The following WASHC5 variants were observed in gnomAD, a reference collection of about 807,000 sequenced individuals.
WASHC5 encodes WASH complex subunit 5.
In WASHC5, 101 loss-of-function variants were observed where a neutral mutation model predicts 150.4. That is an observed-to-expected ratio of 0.67 (90% confidence interval 0.57 to 0.79). The LOEUF (loss-of-function observed/expected upper bound fraction) is 0.79, where lower values mean the gene tolerates loss of function less well. Ranked by LOEUF, WASHC5 falls within the 30% of genes least tolerant of loss-of-function variation. WASHC5 has a pLI of 0.00. For synonymous variants in WASHC5, 467 were observed against 491.2 expected (o/e 0.95, Z 0.65); for missense variants, 1,195 against 1,396.3 (o/e 0.86, Z 2.30).
intron 11 of WASHC5, 84 bp from the exon 12 acceptor site, chr8:125,061,278 A>C (rs1816586914): frequency 2.5e-6 from 2 of 802,912 alleles, no homozygotes; most frequent in African/African-American, 3.4e-5. Context: ...ATCTTTTATA[A>C]ATTCAGTTCT....
chr8:125,080,341 C>A (rs1167291305), intron 5 of WASHC5, among the ~76,000 whole-genome samples: 1 of 152,144 alleles, frequency 6.6e-6, no homozygotes, highest in Non-Finnish European at 1.5e-5. Flanking sequence ...ATAGGAAAGG[C>A]CATTCAAATC....
chr8:125,033,287 A>T (rs1815593837), intron 26 of WASHC5, among the ~76,000 whole-genome samples: 1 of 152,230 alleles, frequency 6.6e-6, no homozygotes. Context: ...AATGGAACAG[A>T]ATAGAGTCTA....
intron 7 of WASHC5, among the ~76,000 whole-genome samples, chr8:125,076,041 TA>T (rs1468027447): frequency 1.3e-5 from 2 of 152,110 alleles, no homozygotes; most frequent in Non-Finnish European, 2.9e-5. Context: ...TGGAAAAGAA[TA>T]AATAAATTCT....
Position 125,049,053 on chromosome 8 carries a change from T to C in WASHC5, c.2332A>G (p.Ile778Val), listed in dbSNP as rs146623998. Residue 778 changes from isoleucine to valine, a missense_variant, in exon 19 of 29, where the codon ATA (isoleucine) becomes GTA (valine). Ile to Val is a conservative substitution (Grantham distance 29). Transcript: ENST00000318410. ...KIWQEEVSRI[I>V]NYNVEQECNN... ...CACTCTTGCTCCACGTTGTAATTTA[T>C]GATACGAGATACTTCTTCCTGCCAA... is the stretch of plus-strand genomic sequence containing the variant. The C allele has an allele frequency of 7.9e-5, 128 of 1,613,938 alleles. No homozygotes were observed. In the Middle Eastern group the frequency reaches 1.2e-3, roughly 15 times the overall value.
intron 26 of WASHC5, among the ~76,000 whole-genome samples, chr8:125,035,075 T>C (rs1252248196): frequency 6.6e-6 from 1 of 152,202 alleles, no homozygotes; most frequent in Non-Finnish European, 1.5e-5. Context: ...AGTCTAGAGA[T>C]AGTCTCACCC....
At chr8:125,039,725 AAG>A (rs1291385041) in intron 24 of WASHC5, 68 bp downstream of exon 24, 2 of 1,030,412 alleles carry the variant, frequency 1.9e-6, no homozygotes, top group African/African-American at 3.1e-5. Flanking sequence ...GTAAGAACTG[AAG>A]AAACTGGGGT....
At chr8:125,072,051 T>C (rs971445005) in intron 9 of WASHC5, among the ~76,000 whole-genome samples, 14 of 151,974 alleles carry the variant, frequency 9.2e-5, no homozygotes, top group Non-Finnish European at 1.8e-4. Context: ...AGGACCCCTA[T>C]ATTTACAGGC....
chr8:125,076,232 A>G, intron 7 of WASHC5, 116 bp downstream of exon 7: 1 of 917,450 alleles, frequency 1.1e-6, no homozygotes, highest in South Asian at 1.4e-5. Context: ...AGTTTACCTA[A>G]GTGATGTTAT....
intron 20 of WASHC5, 90 bp downstream of exon 20, chr8:125,047,117 T>C: frequency 1.3e-6 from 2 of 1,510,994 alleles, no homozygotes; most frequent in Admixed American, 1.7e-5. Flanking sequence ...AGGACCCCCG[T>C]GACTGGAATA....
In WASHC5 at chr8:125,056,679, C is replaced by A; in HGVS notation, c.2014G>T (p.Glu672Ter). ...CAGAAGTCAGAGGGACACAGCACCTCGTATCGTGGGCCTAGCTGAGCATAG... is the reference window on the plus strand; with the variant it reads ...CAGAAGTCAGAGGGACACAGCACCTAGTATCGTGGGCCTAGCTGAGCATAG... ...RDYAQLGPRYEVAKLTHAISI... is the reference protein window; with the variant it reads ...RDYAQLGPRY The change falls in exon 16 of 29, where the codon GAG becomes TAG. Residue 672 changes from glutamate to a stop codon, truncating the protein, a stop_gained and splice_region_variant. Coordinates refer to ENST00000318410, the MANE Select transcript of WASHC5 (RefSeq NM_014846.4). LOFTEE classifies it high-confidence loss of function. 6.2e-7 allele frequency: 1 copy of A among 1,614,018 alleles called. No homozygotes were observed. Among genetic ancestry groups the A allele is most frequent in the South Asian group, 1.1e-5 (1 of 91,070 alleles).
intron 10 of WASHC5, among the ~76,000 whole-genome samples, chr8:125,064,553 A>G (rs1229955699): frequency 6.6e-6 from 1 of 151,080 alleles, no homozygotes; most frequent in African/African-American, 2.4e-5. Context: ...CCTTCATAAC[A>G]TTTAAATTCT....
At chr8:125,043,515 G>A (rs1475261659) in intron 23 of WASHC5, among the ~76,000 whole-genome samples, 1 of 152,100 alleles carries the variant, frequency 6.6e-6, no homozygotes, top group Admixed American at 6.6e-5. Context: ...ATGTAAAAAG[G>A]GAGTATTACT....
intron 9 of WASHC5, among the ~76,000 whole-genome samples, chr8:125,068,785 C>A (rs1816821588): frequency 6.6e-6 from 1 of 152,182 alleles, no homozygotes; most frequent in Non-Finnish European, 1.5e-5. Context: ...AGGCACTAGG[C>A]CAAGGTCACA....
Position 125,083,168 on chromosome 8 carries a change from T to A in WASHC5, c.277A>T (p.Thr93Ser), listed in dbSNP as rs1273371613. ...CTTTGAAATGCTAAATAAAATCTGG[T>A]CACAATTTCTATGTTGTTTTCACGA... ...EFRENNIEIV[T>S]RFYLAFQSVH... The change falls in exon 3 of 29, where the codon ACC becomes TCC. Residue 93 changes from threonine (T) to serine (S), a missense_variant. Transcript: ENST00000318410. The A allele has an allele frequency of 1.3e-6, 2 of 1,589,952 alleles. No individual in the cohort carries two copies. The highest frequency in any genetic ancestry group is 2.2e-5 in the South Asian group (2 of 90,524).
At position 125,083,253 on chromosome 8, in the gene WASHC5, T is replaced by C. The variant is rs750416339; in HGVS notation, c.192A>G (p.Pro64=). Residue 64 remains proline, a synonymous_variant, in exon 3 of 29, where the codon CCA becomes CCG. Transcript: ENST00000318410. ...CATCCAGTTTGCTTTCCCATAATTC[T>C]GGACCCTGAGAAAAAAAAACACATG... is the stretch of plus-strand genomic sequence containing the variant. ...IIFDFSYFKG[P]ELWESKLDAK... 6.2e-7 allele frequency: 1 copy of C among 1,612,996 alleles called. No homozygotes were observed. The highest frequency in any genetic ancestry group is 8.5e-7 in the Non-Finnish European group (1 of 1,179,316).
intron 8 of WASHC5, among the ~76,000 whole-genome samples, chr8:125,073,676 A>G (rs1407807733): frequency 6.6e-6 from 1 of 152,240 alleles, no homozygotes; most frequent in African/African-American, 2.4e-5. Context: ...TAAGATGAAT[A>G]ACATATGGAC....
chr8:125,030,439 T>G (rs1276401904), intron 27 of WASHC5, among the ~76,000 whole-genome samples: 1 of 152,114 alleles, frequency 6.6e-6, no homozygotes, highest in Non-Finnish European at 1.5e-5. Context: ...ACACCAGTGT[T>G]TGTTGTTCGA....
intron 25 of WASHC5, 132 bp downstream of exon 25, chr8:125,038,698 G>A: frequency 9.5e-7 from 1 of 1,050,138 alleles, no homozygotes. Flanking sequence ...AGAAAGGGCA[G>A]GGAACTGAAT....
In WASHC5 at chr8:125,076,197, T is replaced by C. The variant is rs1817054597; in HGVS notation, c.864+151A>G. 8 of 702,602 alleles carry C rather than the reference T, an allele frequency of 1.1e-5. No individual in the cohort carries two copies. In the Admixed American group the frequency reaches 1.4e-4, roughly 12 times the overall value. The allele number at this position is 702,602 out of a possible 1,614,324, so 43.5% of individuals were successfully genotyped here. A position where few individuals can be genotyped will look rare whatever the true frequency, so the allele number is the denominator to read the frequency against. ...CATTTATTCCTTCATGTTATAATTA[T>C]AAAATTCTCAATACAGTTAGAGCAA... On this transcript the variant is annotated intron_variant, in intron 7 of 28. Transcript: ENST00000318410.
Sources: allele counts gnomAD v4.1 joint callset (sites outside exome capture counted in the v4.1 genomes callset), GRCh38; gene constraint gnomAD v4.1.1; transcripts MANE v1.5; gene names NCBI Gene and HGNC (gene_info 2026-07-23, HGNC 2026-07-21).